The following KLC1 variants were observed in gnomAD, a reference collection of about 807,000 sequenced individuals.
The protein encoded by KLC1 is kinesin light chain 1.
A neutral mutation model predicts 84.2 loss-of-function variants in KLC1; 30 were observed. That is an observed-to-expected ratio of 0.36 (90% confidence interval 0.27 to 0.48). KLC1 has a LOEUF of 0.48. Among genes scored for constraint, KLC1 ranks in the 20% least tolerant of loss-of-function variants. KLC1 has a pLI of 0.99. For missense variants in KLC1, 499 were observed against 805.4 expected (o/e 0.62, Z 4.60); for synonymous variants, 289 against 293.3 (o/e 0.99, Z 0.15).
rs1032039186 is a variant in KLC1, at chr14:103,693,806, G to A, written c.1848+1381G>A. ...GCCGTGCCTCAGCATTCTGTTACTC[G>A]GCCTGCAGCCCCAGTGCCAGGAGCC... On this transcript the variant is annotated intron_variant, in intron 15 of 16. Transcript: ENST00000334553. This position sits in a 1 kb window ranked among gnomAD's most constrained non-coding sequence, Gnocchi z 5.1. 4.3e-6 allele frequency: 6 copies of A among 1,397,522 alleles called. No individual in the cohort carries two copies. The highest frequency in any genetic ancestry group is 3.2e-5 in the South Asian group (2 of 62,926). The allele number at this position is 1,397,522 out of a possible 1,614,324, so 86.6% of individuals were successfully genotyped here.
At chr14:103,697,208 C>T in intron 15 of KLC1, 1 of 782,128 alleles carries the variant, frequency 1.3e-6, no homozygotes, top group Non-Finnish European at 1.6e-6. Context: ...CCCAAAATAA[C>T]TTTTTCCCAT....
intron 3 of KLC1, among the ~76,000 whole-genome samples, chr14:103,661,264 C>G (rs542451207): frequency 9.8e-5 from 15 of 152,294 alleles, no homozygotes; most frequent in African/African-American, 3.1e-4. Context: ...CATTGTTTCA[C>G]TGTGTCCCAG....
chr14:103,645,612 C>T (rs1401535117), intron 1 of KLC1, among the ~76,000 whole-genome samples: 3 of 152,152 alleles, frequency 2.0e-5, no homozygotes, highest in African/African-American at 4.8e-5. Flanking sequence ...ACCTACTGCA[C>T]ACCTAGGCTG....
intron 1 of KLC1, among the ~76,000 whole-genome samples, chr14:103,632,031 T>C (rs1044787059): frequency 6.6e-6 from 1 of 152,130 alleles, no homozygotes; most frequent in Non-Finnish European, 1.5e-5. Context: ...CAAATACTGG[T>C]CTTAAATGTC....
chr14:103,685,926 G>A, intron 13 of KLC1: 1 of 1,119,018 alleles, frequency 8.9e-7, no homozygotes, highest in Non-Finnish European at 1.1e-6. Context: ...AGAGCGATTA[G>A]CTGTTCACTT....
In KLC1 at chr14:103,662,146, C is replaced by T. The variant is rs543365154; in HGVS notation, c.523C>T (p.Pro175Ser). 1.2e-6 allele frequency: 2 copies of T among 1,613,880 alleles called. No homozygotes were observed. Among genetic ancestry groups the T allele is most frequent in the African/African-American group, 1.3e-5 (1 of 75,022 alleles). ...EDKDTDSTKE[P>S]LDDLFPNDED... ...CAAAGACACTGATTCTACCAAAGAG[C>T]CTCTGGATGACCTTTTCCCCAATGA... Residue 175 changes from proline to serine, a missense_variant, in exon 4 of 17, where the codon CCT (proline) becomes TCT (serine). Pro to Ser is a moderately conservative substitution (Grantham distance 74). Around this residue, in one of 3 missense-constraint regions of KLC1, gnomAD observed 179 missense variants for 264.2 expected, o/e 0.68. Transcript: ENST00000334553.
chr14:103,686,231 G>C (rs1595556007), intron 13 of KLC1: 1 of 986,194 alleles, frequency 1.0e-6, no homozygotes, highest in Non-Finnish European at 1.2e-6. Flanking sequence ...ACTGACCTGT[G>C]TCTTGGTGTC....
chr14:103,637,445 G>C (rs551444813), intron 1 of KLC1, among the ~76,000 whole-genome samples: 1 of 151,688 alleles, frequency 6.6e-6, no homozygotes, highest in South Asian at 2.1e-4. Context: ...CAGAAGAATC[G>C]CTTGATCCCG....
intron 3 of KLC1, among the ~76,000 whole-genome samples, chr14:103,658,139 T>C (rs376559329): frequency 3.9e-5 from 6 of 152,316 alleles, no homozygotes; most frequent in Non-Finnish European, 8.8e-5. Context: ...TGCCATTCTC[T>C]TTGAAACTCC....
rs531149025 is a variant in KLC1 at position 103,666,219 on chromosome 14, G to A, written c.797+3292G>A. On this transcript the variant is annotated intron_variant, in intron 5 of 16. Coordinates refer to ENST00000334553, the MANE Select transcript of KLC1 (RefSeq NM_001394837.1). ...GCTGGGACTACAGGCGCCTGCCACC[G>A]CGCCCGGCTAATTTTTTGTATTTTT... Among the ~76,000 whole-genome samples, 284 of 151,888 alleles carry A rather than the reference G, an allele frequency of 1.9e-3. 4 individuals are homozygous for A. Among genetic ancestry groups the A allele is most frequent in the Non-Finnish European group, 1.1e-3 (75 of 67,934 alleles).
intron 14 of KLC1, among the ~76,000 whole-genome samples, chr14:103,689,906 G>A (rs1030641548): frequency 6.6e-6 from 1 of 152,238 alleles, no homozygotes; most frequent in Non-Finnish European, 1.5e-5. Context: ...GGCGGCCGGT[G>A]CAGTGGCTGA....
At position 103,693,420 on chromosome 14, in the gene KLC1, T is replaced by C; in HGVS notation, c.1848+995T>C. On this transcript the variant is annotated intron_variant, in intron 15 of 16. Coordinates refer to ENST00000334553, the MANE Select transcript of KLC1 (RefSeq NM_001394837.1). This position sits in a 1 kb window ranked among gnomAD's most constrained non-coding sequence, Gnocchi z 5.1. The stretch of plus-strand genomic sequence containing the variant: ...TTTCTTGGAGTTTCTACATGCACAT[T>C]GACCCCTGGGCCTCTCGAGTGCCAA... The C allele has an allele frequency of 7.2e-7, 1 of 1,388,556 alleles. No individual in the cohort carries two copies. The allele number at this position is 1,388,556 out of a possible 1,614,324, so 86.0% of individuals were successfully genotyped here.
intron 15 of KLC1, chr14:103,695,827 C>G (rs955899316): frequency 9.1e-6 from 9 of 985,300 alleles, no homozygotes; most frequent in African/African-American, 1.7e-5. Context: ...CTCCCTGAAG[C>G]CAGCTCATAA....
chr14:103,695,871 G>A, intron 15 of KLC1: 1 of 985,396 alleles, frequency 1.0e-6, no homozygotes. Flanking sequence ...AGGCGGCAAG[G>A]GAATCTGAGT....
chr14:103,700,264 G>A (rs2083047383), intron 15 of KLC1: 1 of 215,820 alleles, frequency 4.6e-6, no homozygotes, highest in South Asian at 8.2e-5. Context: ...GCCAAGGGGT[G>A]GAAACAGCCC....
At chr14:103,645,751 G>C (rs1469809049) in intron 1 of KLC1, among the ~76,000 whole-genome samples, 1 of 142,894 alleles carries the variant, frequency 7.0e-6, no homozygotes, top group Non-Finnish European at 1.5e-5. Context: ...GTCAAAATAG[G>C]TGTTACAATC....
intron 5 of KLC1, among the ~76,000 whole-genome samples, chr14:103,665,772 G>C (rs1015156167): frequency 1.3e-5 from 2 of 152,106 alleles, no homozygotes; most frequent in Non-Finnish European, 2.9e-5. Flanking sequence ...TTCCTAAGAC[G>C]GGTTAGAGTA....
At chr14:103,697,176 G>C in intron 15 of KLC1, 1 of 965,222 alleles carries the variant, frequency 1.0e-6, no homozygotes, top group Non-Finnish European at 1.2e-6. Context: ...TTTGCAGAAA[G>C]GCTGTTTTGT....
intron 1 of KLC1, among the ~76,000 whole-genome samples, chr14:103,642,207 G>A (rs987794538): frequency 7.9e-5 from 12 of 152,288 alleles, no homozygotes; most frequent in African/African-American, 2.6e-4. Flanking sequence ...TGGGATTACA[G>A]GCATGAGCCA....
Sources: gnomAD v4.1 joint callset for allele counts (sites outside exome capture counted in the v4.1 genomes callset) on GRCh38, gnomAD v4.1.1 for gene constraint, gnomAD v4.1.1 regional missense constraint, Gnocchi (gnomAD v3.1) non-coding constraint, MANE v1.5 for transcripts, NCBI Gene and HGNC (gene_info 2026-07-23, HGNC 2026-07-21) for gene names.